Variants in PDZRN4 observed in about 807,000 individuals in gnomAD.
PDZRN4 encodes the protein PDZ domain containing ring finger 4.
PDZRN4 carries 70 observed loss-of-function variants against 99.0 expected under a neutral mutation model. That is an observed-to-expected ratio of 0.71 (90% confidence interval 0.58 to 0.86). PDZRN4 has a LOEUF of 0.86. Ranked by LOEUF, PDZRN4 falls within the 40% of genes least tolerant of loss-of-function variation. The probability of loss-of-function intolerance (pLI) is 0.00; values close to 1 mark genes in which losing one functional copy is unlikely to be tolerated. For missense variants in PDZRN4, 1,474 were observed against 1,331.2 expected (o/e 1.11, Z -1.67); for synonymous variants, 551 against 501.6 (o/e 1.10, Z -1.32).
At chr12:41,426,666 A>T (rs928948262) in intron 3 of PDZRN4, among the ~76,000 whole-genome samples, 4 of 152,214 alleles carry the variant, frequency 2.6e-5, no homozygotes, top group African/African-American at 9.6e-5. Flanking sequence ...GATGTAAAAA[A>T]CTTTAGATAA....
chr12:41,189,916 C>T (rs1950725277), intron 1 of PDZRN4, among the ~76,000 whole-genome samples: 1 of 152,172 alleles, frequency 6.6e-6, no homozygotes, highest in East Asian at 1.9e-4. Context: ...TGGCCCCGAA[C>T]TGCGCTCCTG....
intron 6 of PDZRN4, among the ~76,000 whole-genome samples, chr12:41,555,360 G>C (rs1469164521): frequency 6.6e-6 from 1 of 150,712 alleles, no homozygotes; most frequent in Non-Finnish European, 1.5e-5. Flanking sequence ...GTCAACTGAA[G>C]ATCATGTGAC....
chr12:41,560,833 C>A (rs1939257953), intron 7 of PDZRN4, among the ~76,000 whole-genome samples: 1 of 152,182 alleles, frequency 6.6e-6, no homozygotes, highest in Non-Finnish European at 1.5e-5. Flanking sequence ...GGCTACATTT[C>A]TTGCCCCAGT....
chr12:41,484,353 CAACT>C (rs1937734112), intron 3 of PDZRN4, among the ~76,000 whole-genome samples: 1 of 152,124 alleles, frequency 6.6e-6, no homozygotes, highest in Non-Finnish European at 1.5e-5. Flanking sequence ...TGCAACCAAC[CAACT>C]AACTTGATAT....
intron 3 of PDZRN4, among the ~76,000 whole-genome samples, chr12:41,438,276 A>G (rs1375081372): frequency 6.6e-6 from 1 of 152,222 alleles, no homozygotes; most frequent in Non-Finnish European, 1.5e-5. Flanking sequence ...TAACAGGAGT[A>G]GCACTGAGAT....
chr12:41,306,702 C>G (rs1285522376), intron 3 of PDZRN4, among the ~76,000 whole-genome samples: 1 of 152,206 alleles, frequency 6.6e-6, no homozygotes, highest in Non-Finnish European at 1.5e-5. Context: ...ATTCATTTCT[C>G]TCTTCTTGAG....
chr12:41,500,656 C>A (rs976831641), intron 3 of PDZRN4, among the ~76,000 whole-genome samples: 1 of 151,576 alleles, frequency 6.6e-6, no homozygotes, highest in Non-Finnish European at 1.5e-5. Context: ...TATGTGACTT[C>A]TTTTTATTAT....
At chr12:41,390,894 G>T (rs912315027) in intron 3 of PDZRN4, among the ~76,000 whole-genome samples, 1 of 152,080 alleles carries the variant, frequency 6.6e-6, no homozygotes, top group Non-Finnish European at 1.5e-5. Flanking sequence ...AATGCTAAGC[G>T]TTAAGTCCTA....
intron 3 of PDZRN4, among the ~76,000 whole-genome samples, chr12:41,482,668 T>C (rs1937694728): frequency 6.6e-6 from 1 of 152,156 alleles, no homozygotes; most frequent in Non-Finnish European, 1.5e-5. Context: ...AGAGCTGAGA[T>C]TTAAGTCCGT....
intron 5 of PDZRN4, among the ~76,000 whole-genome samples, chr12:41,520,332 C>T (rs1421336072): frequency 1.3e-5 from 2 of 152,012 alleles, no homozygotes; most frequent in Admixed American, 6.6e-5. Flanking sequence ...AGTCTCTAAC[C>T]TTCTTCAATA....
At chr12:41,270,624 A>T (rs935377273) in intron 3 of PDZRN4, among the ~76,000 whole-genome samples, 10 of 152,140 alleles carry the variant, frequency 6.6e-5, no homozygotes, top group Non-Finnish European at 1.3e-4. Flanking sequence ...GTCAGAATTC[A>T]CCATTTTAAA....
rs1359903685 is a variant in PDZRN4, at chr12:41,506,537, C to G, written c.925C>G (p.Gln309Glu). 4.3e-6 allele frequency: 7 copies of G among 1,613,602 alleles called. No homozygotes were observed. The highest frequency in any genetic ancestry group is 4.2e-6 in the Non-Finnish European group (5 of 1,179,768). ...FRNAKEPIVV[Q>E]VLRRTPLSRP... ...CAATGCCAAGGAGCCCATTGTGGTG[C>G]AGGTGTTAAGGCGAACACCTCTTAG... Residue 309 changes from glutamine (Q) to glutamate (E), a missense_variant, in exon 4 of 10, where the codon CAG becomes GAG. Coordinates refer to ENST00000402685, the MANE Select transcript of PDZRN4 (RefSeq NM_001164595.2).
intron 3 of PDZRN4, among the ~76,000 whole-genome samples, chr12:41,297,673 A>G (rs146273268): frequency 6.6e-6 from 1 of 152,162 alleles, no homozygotes; most frequent in Admixed American, 6.5e-5. Context: ...ATTCCTCTTC[A>G]GTGGAAAGGG....
At chr12:41,435,679 T>C (rs1224798320) in intron 3 of PDZRN4, among the ~76,000 whole-genome samples, 1 of 151,992 alleles carries the variant, frequency 6.6e-6, no homozygotes, top group Non-Finnish European at 1.5e-5. Context: ...TCCCAGCTAC[T>C]CAGGAAGCTC....
At chr12:41,288,131 CA>C (rs547322463) in intron 3 of PDZRN4, among the ~76,000 whole-genome samples, 1 of 152,010 alleles carries the variant, frequency 6.6e-6, no homozygotes, top group East Asian at 1.9e-4. Context: ...TATGATGGCA[CA>C]AAAAAGGCAG....
At chr12:41,471,444 T>C (rs1056332045) in intron 3 of PDZRN4, among the ~76,000 whole-genome samples, 2 of 151,884 alleles carry the variant, frequency 1.3e-5, no homozygotes, top group African/African-American at 4.8e-5. Flanking sequence ...ATTTATTCTT[T>C]ACTTTGGCAG....
intron 3 of PDZRN4, among the ~76,000 whole-genome samples, chr12:41,329,653 A>G (rs1951730904): frequency 6.6e-6 from 1 of 152,134 alleles, no homozygotes; most frequent in Non-Finnish European, 1.5e-5. Flanking sequence ...TAATTGTAGA[A>G]TAATGCTAAA....
chr12:41,279,269 AT>A (rs1205210144), intron 3 of PDZRN4, among the ~76,000 whole-genome samples: 1 of 152,244 alleles, frequency 6.6e-6, no homozygotes, highest in Non-Finnish European at 1.5e-5. Flanking sequence ...TAAACTCAAA[AT>A]TATTTAAGAA....
chr12:41,423,454 G>T (rs10735997), intron 3 of PDZRN4, among the ~76,000 whole-genome samples: 72,211 of 151,628 alleles, frequency 0.48, 17,410 homozygotes, highest in African/African-American at 0.56. Context: ...CTCCATCCAT[G>T]TCTCCGCAAA....
Sources: allele counts gnomAD v4.1 joint callset (sites outside exome capture counted in the v4.1 genomes callset), GRCh38; gene constraint gnomAD v4.1.1; transcripts MANE v1.5; gene names NCBI Gene and HGNC (gene_info 2026-07-23, HGNC 2026-07-21).